The following COG5 variants were observed in gnomAD, a reference collection of about 807,000 sequenced individuals.
COG5 encodes conserved oligomeric Golgi complex subunit 5.
A neutral mutation model predicts 110.4 loss-of-function variants in COG5; 86 were observed. That is an observed-to-expected ratio of 0.78 (90% CI 0.65 to 0.93). COG5 has a LOEUF of 0.93. COG5 is among the 40% of genes least tolerant of loss of function. COG5 has a pLI of 0.00. For synonymous variants in COG5, 360 were observed against 334.6 expected (o/e 1.08, Z -0.83); for missense variants, 1,077 against 987.0 (o/e 1.09, Z -1.22).
chr7:107,264,619 A>G (rs1326267142), intron 14 of COG5, among the ~76,000 whole-genome samples: 1 of 152,030 alleles, frequency 6.6e-6, no homozygotes, highest in Non-Finnish European at 1.5e-5. Context: ...TGTGAGCCCA[A>G]GAGGTGGAGA....
chr7:107,521,173 C>T (rs1800295508), intron 6 of COG5, among the ~76,000 whole-genome samples: 1 of 152,128 alleles, frequency 6.6e-6, no homozygotes, highest in South Asian at 2.1e-4. Context: ...AAATGTAAAA[C>T]CCAAAAGTAT....
At chr7:107,400,308 T>G (rs543341400) in intron 7 of COG5, among the ~76,000 whole-genome samples, 1 of 150,630 alleles carries the variant, frequency 6.6e-6, no homozygotes, top group Non-Finnish European at 1.5e-5. Context: ...AAGAGCACAC[T>G]GTATAACTCT....
rs138055790 is a variant in COG5 at position 107,542,094 on chromosome 7, A to G, written c.417+6017T>C. ...CGTGCTTTTGAAGGCAATATACAATATCTTCATAGCTTCAGGGTAGAGAAA... is the reference window on the plus strand; with the variant it reads ...CGTGCTTTTGAAGGCAATATACAATGTCTTCATAGCTTCAGGGTAGAGAAA... On this transcript the variant is annotated intron_variant, in intron 5 of 21. Coordinates refer to ENST00000297135, the MANE Select transcript of COG5 (RefSeq NM_006348.5). Among the ~76,000 whole-genome samples, 24 of 152,312 alleles carry G rather than the reference A, an allele frequency of 1.6e-4. No homozygotes were observed. The East Asian group carries it at 3.9e-3, about 24-fold the overall frequency.
chr7:107,510,464 C>T (rs1328688319), intron 6 of COG5, among the ~76,000 whole-genome samples: 1 of 152,110 alleles, frequency 6.6e-6, no homozygotes, highest in South Asian at 2.1e-4. Flanking sequence ...CTTTAACAAC[C>T]CACTGTCAAC....
chr7:107,333,042 C>A (rs1330138404), intron 10 of COG5, among the ~76,000 whole-genome samples: 1 of 152,046 alleles, frequency 6.6e-6, no homozygotes, highest in Non-Finnish European at 1.5e-5. Flanking sequence ...AAGAGGAAGT[C>A]AGAGAGAAGC....
chr7:107,481,190 G>A (rs1797319352), intron 6 of COG5, among the ~76,000 whole-genome samples: 1 of 152,048 alleles, frequency 6.6e-6, no homozygotes, highest in Non-Finnish European at 1.5e-5. Context: ...TTCCATGAGA[G>A]CAATATGTCA....
At position 107,474,359 on chromosome 7, in the gene COG5, T is replaced by C. The variant is rs1796840119; in HGVS notation, c.538+52878A>G. The C allele has an allele frequency of 6.2e-7, 1 of 1,612,612 alleles. No homozygotes were observed. ...TGTGTGGGATGTATTCCTCTAACTATAGTTATCCTTCTGCTTTCACTGGAG... is the reference window on the plus strand; with the variant it reads ...TGTGTGGGATGTATTCCTCTAACTACAGTTATCCTTCTGCTTTCACTGGAG... On this transcript the variant is annotated intron_variant, in intron 6 of 21. Coordinates refer to ENST00000297135, the MANE Select transcript of COG5 (RefSeq NM_006348.5). The surrounding 1 kb of genome is among the most constrained non-coding windows in gnomAD (Gnocchi z 5.7).
chr7:107,249,926 T>C (rs1259834393), intron 16 of COG5, among the ~76,000 whole-genome samples: 2 of 152,030 alleles, frequency 1.3e-5, no homozygotes, highest in African/African-American at 4.8e-5. Flanking sequence ...GCTGAGGCAC[T>C]TGGGAAACCA....
intron 8 of COG5, among the ~76,000 whole-genome samples, chr7:107,370,781 T>TAAAAAAAAA (rs71314692): frequency 9.8e-6 from 1 of 101,552 alleles, no homozygotes; most frequent in African/African-American, 4.0e-5. Flanking sequence ...AAACTCCAGC[T>TAAAAAAAAA]AAAAAAAAAA....
chr7:107,207,737 C>T (rs1479387976), intron 21 of COG5: 16 of 982,680 alleles, frequency 1.6e-5, no homozygotes, highest in Non-Finnish European at 1.8e-5. Context: ...CCCCCATTTA[C>T]ACCACTTGGT....
intron 14 of COG5, among the ~76,000 whole-genome samples, chr7:107,261,586 T>C (rs1584588323): frequency 6.6e-6 from 1 of 152,216 alleles, no homozygotes; most frequent in Non-Finnish European, 1.5e-5. Flanking sequence ...GGTTTGCTCA[T>C]TGCTGTTGAC....
intron 7 of COG5, among the ~76,000 whole-genome samples, chr7:107,399,405 G>A (rs1258909810): frequency 6.8e-6 from 1 of 148,124 alleles, no homozygotes; most frequent in Non-Finnish European, 1.5e-5. Context: ...GAGGTGATTG[G>A]ATCATGGGGG....
At chr7:107,483,906 G>GTTTTTTT (rs1181184838) in intron 6 of COG5, among the ~76,000 whole-genome samples, 1 of 147,508 alleles carries the variant, frequency 6.8e-6, no homozygotes. Context: ...TTTTTTCCTA[G>GTTTTTTT]AACAAAGATT....
chr7:107,288,158 G>A (rs1805802609), intron 12 of COG5, among the ~76,000 whole-genome samples: 1 of 152,136 alleles, frequency 6.6e-6, no homozygotes, highest in Non-Finnish European at 1.5e-5. Flanking sequence ...GAGCCCAGAA[G>A]TTCAAGACCA....
chr7:107,316,615 C>T (rs1473458140), intron 11 of COG5, among the ~76,000 whole-genome samples: 2 of 139,508 alleles, frequency 1.4e-5, no homozygotes, highest in Non-Finnish European at 3.0e-5. Context: ...AGATTGAGAC[C>T]ATTCTGGCTA....
intron 6 of COG5, among the ~76,000 whole-genome samples, chr7:107,511,342 C>T (rs1254418747): frequency 2.0e-5 from 3 of 152,130 alleles, no homozygotes; most frequent in South Asian, 2.1e-4. Flanking sequence ...AAGACTAAAA[C>T]AGGAAGAAGT....
chr7:107,362,489 T>C, intron 8 of COG5, 69 bp from the exon 9 acceptor site: 3 of 935,752 alleles, frequency 3.2e-6, no homozygotes, highest in East Asian at 2.6e-5. Flanking sequence ...ATATATGTTA[T>C]TATAAAAACC....
intron 17 of COG5, among the ~76,000 whole-genome samples, chr7:107,243,492 A>T (rs1048069426): frequency 1.4e-5 from 2 of 142,628 alleles, no homozygotes; most frequent in African/African-American, 5.4e-5. Context: ...AGCCTAGGGG[A>T]CAGAGCGAGA....
intron 6 of COG5, among the ~76,000 whole-genome samples, chr7:107,429,818 G>A (rs149254269): frequency 6.6e-6 from 1 of 152,256 alleles, no homozygotes; most frequent in East Asian, 1.9e-4. Context: ...CATGTGAGAC[G>A]TGCCTTTCAC....
Sources: gnomAD v4.1 joint callset for allele counts (sites outside exome capture counted in the v4.1 genomes callset) on GRCh38, gnomAD v4.1.1 for gene constraint, Gnocchi (gnomAD v3.1) non-coding constraint, MANE v1.5 for transcripts, NCBI Gene and HGNC (gene_info 2026-07-23, HGNC 2026-07-21) for gene names.